Variants in ORC2 observed in about 807,000 individuals in gnomAD.
ORC2 encodes the protein origin recognition complex subunit 2.
ORC2 carries 37 observed loss-of-function variants against 77.7 expected under a neutral mutation model. The observed-to-expected ratio is 0.48, with a 90% CI of 0.37 to 0.63. The LOEUF is 0.63. ORC2 is among the 20% of genes least tolerant of loss of function. ORC2 has a pLI of 0.00. For missense variants in ORC2, 557 were observed against 661.9 expected, an observed-to-expected ratio of 0.84 and a Z score of 1.74; for synonymous variants, 201 against 229.5, an observed-to-expected ratio of 0.88 and a Z score of 1.12.
rs2040541517 is a variant in ORC2, at chr2:200,911,069, G to A, written c.*232C>T. ...ATTCCAGCAAGAAGTCTCCAGAGAGGTAATGAATGAAAGGCACATTTTCTC... is the reference window on the plus strand; with the variant it reads ...ATTCCAGCAAGAAGTCTCCAGAGAGATAATGAATGAAAGGCACATTTTCTC... On this transcript the variant is annotated 3_prime_UTR_variant, in exon 18 of 18. Coordinates refer to ENST00000234296, the MANE Select transcript of ORC2 (RefSeq NM_006190.5). The A allele has an allele frequency of 2.5e-6, 1 of 403,106 alleles. No homozygotes were observed. Among genetic ancestry groups the A allele is most frequent in the Non-Finnish European group, 4.5e-6 (1 of 220,954 alleles). 25.0% of individuals were successfully genotyped at this position (403,106 alleles called of 1,614,324 possible).
At position 200,958,064 on chromosome 2, in the gene ORC2, A is replaced by C. The variant is rs1281395917; in HGVS notation, c.60T>G (p.Asp20Glu). The C allele has an allele frequency of 6.2e-7, 1 of 1,611,396 alleles. No homozygotes were observed. Among genetic ancestry groups the C allele is most frequent in the East Asian group, 2.2e-5 (1 of 44,740 alleles). ...TATCTAGAATGTGATTAAGAACATC[A>C]TCATCTCCCACAAAGTGAACCTCCA... ...KMLEVHFVGD[D>E]DVLNHILDRE... The change falls in exon 3 of 18, where the codon GAT becomes GAG. Residue 20 changes from aspartate to glutamate, a missense_variant. Transcript: ENST00000234296.
intron 12 of ORC2, among the ~76,000 whole-genome samples, chr2:200,926,392 C>T (rs2040839185): frequency 6.6e-6 from 1 of 152,188 alleles, no homozygotes; most frequent in South Asian, 2.1e-4. Flanking sequence ...TGTTAAACTA[C>T]AGTCTTCACA....
intron 1 of ORC2, among the ~76,000 whole-genome samples, chr2:200,962,201 C>A (rs1481081218): frequency 6.6e-6 from 1 of 152,186 alleles, no homozygotes; most frequent in African/African-American, 2.4e-5. Flanking sequence ...AACAAAAAAA[C>A]CTAACAATCA....
intron 5 of ORC2, among the ~76,000 whole-genome samples, chr2:200,947,401 CATCA>C (rs1373007755): frequency 6.6e-6 from 1 of 152,164 alleles, no homozygotes; most frequent in Non-Finnish European, 1.5e-5. Flanking sequence ...ATATATTCCT[CATCA>C]GTGTCAACAT....
chr2:200,940,830 C>A (rs925697766), intron 7 of ORC2, among the ~76,000 whole-genome samples: 1 of 151,894 alleles, frequency 6.6e-6, no homozygotes, highest in Non-Finnish European at 1.5e-5. Flanking sequence ...AAAGAAAAAA[C>A]CCCACAAAGG....
chr2:200,932,620 GAGCCTCC>G (rs2040964356), intron 10 of ORC2, among the ~76,000 whole-genome samples: 1 of 152,166 alleles, frequency 6.6e-6, no homozygotes, highest in Non-Finnish European at 1.5e-5. Context: ...TTACAGGTGT[GAGCCTCC>G]ATGCCCAGCC....
At chr2:200,945,354 G>A (rs544584031) in intron 5 of ORC2, among the ~76,000 whole-genome samples, 10 of 152,180 alleles carry the variant, frequency 6.6e-5, no homozygotes, top group Admixed American at 1.3e-4. Context: ...CTAGGAGTTC[G>A]AGACCAGACT....
intron 15 of ORC2, among the ~76,000 whole-genome samples, chr2:200,915,899 T>C (rs2040640981): frequency 6.6e-6 from 1 of 152,096 alleles, no homozygotes; most frequent in African/African-American, 2.4e-5. Flanking sequence ...TTTACCATGT[T>C]GGCCAGGCTG....
intron 13 of ORC2, 50 bp from the exon 14 acceptor site, chr2:200,921,189 T>A: frequency 7.8e-7 from 1 of 1,286,392 alleles, no homozygotes; most frequent in Non-Finnish European, 1.1e-6. Flanking sequence ...TTAGAGGGTC[T>A]CACTCTGTTG....
Position 200,948,075 on chromosome 2 carries a change from A to ATTTTTT in ORC2, c.328+1473_328+1478dup, listed in dbSNP as rs57958964. Reference sequence around the variant, plus strand: ...AGTCGCCCGCCACCACGCCTGGCTAATTTTTTTTTTTGTATTTTTAGTAGA... The same window carrying ATTTTTT: ...AGTCGCCCGCCACCACGCCTGGCTAATTTTTTTTTTTTTTTTTGTATTTTTAGTAGA... On this transcript the variant is annotated intron_variant, in intron 5 of 17. Transcript: ENST00000234296. Among the ~76,000 whole-genome samples the ATTTTTT allele has an allele frequency of 6.7e-3, 974 of 146,058 alleles. 8 individuals are homozygous for ATTTTTT. The highest frequency in any genetic ancestry group is 0.024 in the African/African-American group (937 of 39,634).
Position 200,938,063 on chromosome 2 carries a change from A to G in ORC2, c.454-97T>C, listed in dbSNP as rs879909804. The G allele has an allele frequency of 8.0e-6, 6 of 747,342 alleles. No individual in the cohort carries two copies. In the Admixed American group the frequency reaches 8.2e-5, roughly 10 times the overall value. 46.3% of individuals were successfully genotyped at this position (747,342 alleles called of 1,614,324 possible). ...AAAAAAAGAAAAATATTTTGCTTTC[A>G]ATAGACTGCATTAGAACTAGATGAG... On this transcript the variant is annotated intron_variant, in intron 7 of 17. Coordinates refer to ENST00000234296, the MANE Select transcript of ORC2 (RefSeq NM_006190.5).
chr2:200,955,342 G>A (rs1445198236), intron 4 of ORC2, among the ~76,000 whole-genome samples: 1 of 152,086 alleles, frequency 6.6e-6, no homozygotes, highest in Non-Finnish European at 1.5e-5. Context: ...ATCTATTGAG[G>A]AGCAGTGGTC....
At position 200,913,278 on chromosome 2, in the gene ORC2, C is replaced by T. The variant is rs374482130; in HGVS notation, c.1647+17G>A. ...GGACTATTCCTGGCATACAATGCTA[C>T]AATAGTGGAGTCTTACCTTCTTTGT... On this transcript the variant is annotated intron_variant, in intron 17 of 17. Transcript: ENST00000234296. 251 of 1,556,826 alleles carry T rather than the reference C, an allele frequency of 1.6e-4. No homozygotes were observed. In the African/African-American group the frequency reaches 3.1e-3, roughly 19 times the overall value.
In ORC2 at chr2:200,935,687, C is replaced by A; in HGVS notation, c.708+12G>T. 1 of 1,576,298 alleles carries A rather than the reference C, an allele frequency of 6.3e-7. No homozygotes were observed. Among genetic ancestry groups the A allele is most frequent in the Non-Finnish European group, 8.6e-7 (1 of 1,161,342 alleles). ...ATTTTTCTTTAAGGTTAAAGTCTCT[C>A]TCTTCACTTACTGTTTTATCTCTTT... On this transcript the variant is annotated intron_variant, in intron 9 of 17. Coordinates refer to ENST00000234296, the MANE Select transcript of ORC2 (RefSeq NM_006190.5).
intron 8 of ORC2, among the ~76,000 whole-genome samples, chr2:200,936,930 T>C (rs1425611586): frequency 6.6e-6 from 1 of 151,920 alleles, no homozygotes; most frequent in African/African-American, 2.4e-5. Flanking sequence ...ATATTTATTC[T>C]GAACAACAGA....
chr2:200,952,831 C>G (rs1003244359), intron 4 of ORC2, among the ~76,000 whole-genome samples: 1 of 151,056 alleles, frequency 6.6e-6, no homozygotes, highest in Non-Finnish European at 1.5e-5. Flanking sequence ...AAAAAGCAGG[C>G]TGGGCATAAT....
chr2:200,930,452 T>C (rs1437160231), intron 11 of ORC2, among the ~76,000 whole-genome samples: 1 of 152,040 alleles, frequency 6.6e-6, no homozygotes, highest in Non-Finnish European at 1.5e-5. Flanking sequence ...TAAATAGTTA[T>C]TGAGAGAAGC....
chr2:200,930,108 G>A (rs1323474957), intron 11 of ORC2, among the ~76,000 whole-genome samples: 1 of 151,978 alleles, frequency 6.6e-6, no homozygotes, highest in African/African-American at 2.4e-5. Flanking sequence ...CCAAGCACTA[G>A]AGGTCAAGCT....
chr2:200,954,018 ATTTCTTTCTTTCTT>A (rs1358552648), intron 4 of ORC2, among the ~76,000 whole-genome samples: 1 of 148,166 alleles, frequency 6.7e-6, no homozygotes, highest in Non-Finnish European at 1.5e-5. Flanking sequence ...GGGATTTGGG[ATTTCTTTCTTTCTT>A]TTTCTTTTTT....
Sources: gnomAD v4.1 joint callset for allele counts (sites outside exome capture counted in the v4.1 genomes callset) on GRCh38, gnomAD v4.1.1 for gene constraint, MANE v1.5 for transcripts, NCBI Gene and HGNC (gene_info 2026-07-23, HGNC 2026-07-21) for gene names.